Variants in DTNA observed in about 807,000 individuals in gnomAD.
The protein encoded by DTNA is dystrobrevin alpha.
A neutral mutation model predicts 100.7 loss-of-function variants in DTNA; 43 were observed. The observed-to-expected ratio is 0.43, with a 90% CI of 0.33 to 0.55. The LOEUF (loss-of-function observed/expected upper bound fraction) is 0.55, where lower values mean the gene tolerates loss of function less well. Ranked by LOEUF, DTNA falls within the 20% of genes least tolerant of loss-of-function variation. The pLI is 0.04. For missense variants in DTNA, 798 were observed against 953.9 expected (o/e 0.84, Z 2.15); for synonymous variants, 349 against 347.9 (o/e 1.00, Z -0.04).
chr18:34,566,144 C>T (rs995701023), intron 1 of DTNA, among the ~76,000 whole-genome samples: 3 of 151,894 alleles, frequency 2.0e-5, no homozygotes, highest in African/African-American at 4.8e-5. Flanking sequence ...GTGTGAGAAG[C>T]GAAAAGAGTA....
At chr18:34,550,251 C>T (rs1482209010) in intron 1 of DTNA, among the ~76,000 whole-genome samples, 4 of 152,020 alleles carry the variant, frequency 2.6e-5, no homozygotes, top group East Asian at 1.9e-4. Flanking sequence ...GGATTTTCTC[C>T]GCGATCCTTC....
At chr18:34,638,176 TC>T (rs1356766085) in intron 1 of DTNA, among the ~76,000 whole-genome samples, 1 of 152,268 alleles carries the variant, frequency 6.6e-6, no homozygotes, top group Non-Finnish European at 1.5e-5. Context: ...GCTTGCCTTT[TC>T]TATGCTTCTG....
At chr18:34,627,074 A>G (rs1247623087) in intron 1 of DTNA, among the ~76,000 whole-genome samples, 1 of 152,150 alleles carries the variant, frequency 6.6e-6, no homozygotes, top group East Asian at 1.9e-4. Context: ...TAAATTTGTC[A>G]TCACCACTAG....
intron 1 of DTNA, among the ~76,000 whole-genome samples, chr18:34,624,955 GC>G (rs1028442568): frequency 2.0e-5 from 3 of 152,014 alleles, no homozygotes; most frequent in Non-Finnish European, 4.4e-5. Context: ...TGCAACCTCT[GC>G]CTCCTGGGTT....
rs115265188 is a variant in DTNA at position 34,630,200 on chromosome 18, C to T, written c.-1-125776C>T. ...ACTGCCATCATCTTAAGTGACTTCA[C>T]GTCTGGGCGGGTGATTTATGAAAAG... On this transcript the variant is annotated intron_variant, in intron 1 of 19. Coordinates refer to the DTNA transcript ENST00000283365. Among the ~76,000 whole-genome samples, 931 of 152,108 alleles carry T rather than the reference C, an allele frequency of 6.1e-3. 10 individuals carry two copies. Among genetic ancestry groups the T allele is most frequent in the African/African-American group, 0.021 (874 of 41,496 alleles).
intron 1 of DTNA, among the ~76,000 whole-genome samples, chr18:34,577,991 G>T (rs1262029629): frequency 6.6e-5 from 10 of 151,588 alleles, no homozygotes; most frequent in Non-Finnish European, 1.2e-4. Context: ...CCAGTAGTGG[G>T]ATTGCTGGAT....
At chr18:34,623,139 A>G (rs1460951199) in intron 1 of DTNA, among the ~76,000 whole-genome samples, 1 of 152,194 alleles carries the variant, frequency 6.6e-6, no homozygotes, top group African/African-American at 2.4e-5. Flanking sequence ...CACCATTCAC[A>G]TGGAATACAT....
chr18:34,738,589 T>G (rs891294352), intron 1 of DTNA, among the ~76,000 whole-genome samples: 1 of 152,212 alleles, frequency 6.6e-6, no homozygotes, highest in Non-Finnish European at 1.5e-5. Flanking sequence ...CTCCTTTCTC[T>G]TCACCCTGTT....
intron 1 of DTNA, among the ~76,000 whole-genome samples, chr18:34,577,311 A>G (rs1403056428): frequency 2.0e-5 from 3 of 152,176 alleles, no homozygotes; most frequent in African/African-American, 7.2e-5. Flanking sequence ...TTTATGGTAT[A>G]TCTTTTACCA....
At chr18:34,511,013 A>G (rs888615595) in intron 1 of DTNA, among the ~76,000 whole-genome samples, 1 of 152,072 alleles carries the variant, frequency 6.6e-6, no homozygotes, top group African/African-American at 2.4e-5. Flanking sequence ...ATGAAAGTCC[A>G]TGGATTTATC....
chr18:34,754,998 A>G (rs562549701), intron 1 of DTNA, among the ~76,000 whole-genome samples: 8 of 152,374 alleles, frequency 5.3e-5, no homozygotes, highest in African/African-American at 1.9e-4. Context: ...AGCAGGGGCC[A>G]TAGCCATAGG....
chr18:34,768,642 G>A (rs1444098100), intron 3 of DTNA, among the ~76,000 whole-genome samples: 1 of 152,176 alleles, frequency 6.6e-6, no homozygotes, highest in Non-Finnish European at 1.5e-5. Flanking sequence ...GAGAAGAAGT[G>A]AGGATGCTAA....
In DTNA at chr18:34,890,188, C is replaced by A; in HGVS notation, c.*2454C>A. ...GTTGTCATAGCTATTTCATTGCCAA[C>A]CAACTCCATCACATGGTTGTTGATA... On this transcript the variant is annotated 3_prime_UTR_variant, in exon 23 of 23. Transcript: ENST00000444659. The A allele has an allele frequency of 1.4e-6, 2 of 1,445,160 alleles. No homozygotes were observed. Among genetic ancestry groups the A allele is most frequent in the Non-Finnish European group, 1.8e-6 (2 of 1,104,720 alleles). 89.5% of individuals were successfully genotyped at this position (1,445,160 alleles called of 1,614,324 possible). A position where few individuals can be genotyped will look rare whatever the true frequency, so the allele number is the denominator to read the frequency against.
intron 6 of DTNA, among the ~76,000 whole-genome samples, chr18:34,815,187 G>T (rs191157442): frequency 9.7e-4 from 147 of 152,074 alleles, no homozygotes; most frequent in African/African-American, 3.3e-3. Context: ...AGTGATTTTT[G>T]CATATAAATA....
At position 34,501,505 on chromosome 18, in the gene DTNA, A is replaced by G. The variant is rs187928330; in HGVS notation, c.-2+7991A>G. 4.9e-3 allele frequency among the ~76,000 whole-genome samples: 750 copies of G among 152,178 alleles called. 8 individuals are homozygous for G. The highest frequency in any genetic ancestry group is 0.017 in the African/African-American group (710 of 41,520). Reference sequence around the variant, plus strand: ...TGAATAGGGATGTGTTCCCTCTTCTATTTTCTGAAAGAGATTACATAGGAT... The same window carrying G: ...TGAATAGGGATGTGTTCCCTCTTCTGTTTTCTGAAAGAGATTACATAGGAT... On this transcript the variant is annotated intron_variant, in intron 1 of 19. Coordinates refer to the DTNA transcript ENST00000283365.
intron 2 of DTNA, among the ~76,000 whole-genome samples, chr18:34,764,469 G>T (rs2093364950): frequency 6.6e-6 from 1 of 152,196 alleles, no homozygotes; most frequent in Non-Finnish European, 1.5e-5. Flanking sequence ...GGGAATTCCT[G>T]CATTGGGTGA....
At chr18:34,855,137 T>A (rs972009132) in intron 15 of DTNA, among the ~76,000 whole-genome samples, 5 of 152,168 alleles carry the variant, frequency 3.3e-5, no homozygotes, top group Non-Finnish European at 5.9e-5. Flanking sequence ...AAAATACACA[T>A]AGACTTTGAG....
At chr18:34,665,481 G>C (rs887581508) in intron 1 of DTNA, among the ~76,000 whole-genome samples, 2 of 152,086 alleles carry the variant, frequency 1.3e-5, no homozygotes, top group Admixed American at 1.3e-4. Context: ...GTGCAGGTTT[G>C]TTACATATGT....
intron 1 of DTNA, among the ~76,000 whole-genome samples, chr18:34,745,389 T>C (rs959172970): frequency 6.6e-5 from 10 of 151,968 alleles, no homozygotes; most frequent in African/African-American, 2.2e-4. Context: ...GCCCCAGTAA[T>C]TTTTCTCAAC....
Sources: allele counts gnomAD v4.1 joint callset (sites outside exome capture counted in the v4.1 genomes callset), GRCh38; gene constraint gnomAD v4.1.1; transcripts MANE v1.5; gene names NCBI Gene and HGNC (gene_info 2026-07-23, HGNC 2026-07-21).